The following PTAFR variants were observed in gnomAD, a reference collection of about 807,000 sequenced individuals.
PTAFR encodes platelet-activating factor receptor.
In PTAFR, 8 loss-of-function variants were observed where a neutral mutation model predicts 14.7. The observed-to-expected ratio is 0.54, with a 90% CI of 0.32 to 0.98. PTAFR has a LOEUF of 0.98. Among genes scored for constraint, PTAFR ranks in the 50% least tolerant of loss-of-function variants. PTAFR has a pLI of 0.04. For synonymous variants in PTAFR, 156 were observed against 176.5 expected, an observed-to-expected ratio of 0.88 and a Z score of 0.92; for missense variants, 337 against 451.2, an observed-to-expected ratio of 0.75 and a Z score of 2.29.
intron 1 of PTAFR, among the ~76,000 whole-genome samples, chr1:28,162,696 G>A (rs184742029): frequency 6.6e-6 from 1 of 151,704 alleles, no homozygotes; most frequent in Admixed American, 6.6e-5. Flanking sequence ...CATGGTGGTG[G>A]GTGCCTGTAA....
At position 28,150,148 on chromosome 1, in the gene PTAFR, T is replaced by A. The variant is rs745460238; in HGVS notation, c.874A>T (p.Ile292Phe). The change falls in exon 2 of 2, where the codon ATC (isoleucine) becomes TTC (phenylalanine). Residue 292 changes from isoleucine to phenylalanine, a missense_variant. Physicochemically the swap from Ile to Phe is conservative, Grantham distance 21. Transcript: ENST00000373857. This position sits in a 1 kb window ranked among gnomAD's most constrained non-coding sequence, Gnocchi z 6.3. ...AACTTCTTGGTGAGGAAACAGTAGA[T>A]AACAGGGTCTAAGACACAGTTGGTG... is the stretch of plus-strand genomic sequence containing the variant. Reference protein sequence around the residue: ...LSTNCVLDPVIYCFLTKKFRK... With the variant: ...LSTNCVLDPVFYCFLTKKFRK... 5.6e-6 allele frequency: 9 copies of A among 1,614,066 alleles called. No homozygotes were observed. Among genetic ancestry groups the A allele is most frequent in the Admixed American group, 1.7e-5 (1 of 60,000 alleles).
At chr1:28,161,767 G>GCCCT (rs1448824523) in intron 1 of PTAFR, among the ~76,000 whole-genome samples, 2 of 152,234 alleles carry the variant, frequency 1.3e-5, no homozygotes, top group East Asian at 3.9e-4. Flanking sequence ...CCTCTCCTAG[G>GCCCT]CCCTGTATCT....
intron 1 of PTAFR, among the ~76,000 whole-genome samples, chr1:28,183,009 G>C (rs529985985): frequency 2.6e-5 from 4 of 151,260 alleles, no homozygotes; most frequent in African/African-American, 9.7e-5. Flanking sequence ...TTAAGAAAGG[G>C]TTTTTTGCTG....
upstream of PTAFR, among the ~76,000 whole-genome samples, chr1:28,181,550 C>T (rs887135882): frequency 6.6e-6 from 1 of 151,968 alleles, no homozygotes; most frequent in Non-Finnish European, 1.5e-5. Context: ...AGTTCAAGAC[C>T]AGCCTCAACA....
chr1:28,174,086 C>G (rs555951725), intron 1 of PTAFR, among the ~76,000 whole-genome samples: 1 of 152,274 alleles, frequency 6.6e-6, no homozygotes, highest in African/African-American at 2.4e-5. Flanking sequence ...CATGCACACA[C>G]AAAGACACAC....
chr1:28,170,482 T>C (rs911113929), intron 1 of PTAFR, among the ~76,000 whole-genome samples: 3 of 152,156 alleles, frequency 2.0e-5, no homozygotes, highest in African/African-American at 4.8e-5. Flanking sequence ...GGTAAGAGAA[T>C]TGCTTGAGGT....
At position 28,149,908 on chromosome 1, in the gene PTAFR, C is replaced by T; in HGVS notation, c.*85G>A. The T allele has an allele frequency of 6.7e-7, 1 of 1,499,876 alleles. No homozygotes were observed. The highest frequency in any genetic ancestry group is 9.0e-7 in the Non-Finnish European group (1 of 1,110,778). 92.9% of individuals were successfully genotyped at this position (1,499,876 alleles called of 1,614,324 possible). A position where few individuals can be genotyped will look rare whatever the true frequency, so the allele number is the denominator to read the frequency against. Reference sequence around the variant, plus strand: ...CCCACCAGTGCCCACAGAGGTGGTGCCCAGACCACAGTAGATATCCCTTCT... The same window carrying T: ...CCCACCAGTGCCCACAGAGGTGGTGTCCAGACCACAGTAGATATCCCTTCT... On this transcript the variant is annotated 3_prime_UTR_variant, in exon 2 of 2. Transcript: ENST00000373857.
chr1:28,182,043 G>T (rs1646566780), intron 1 of PTAFR, among the ~76,000 whole-genome samples: 1 of 151,782 alleles, frequency 6.6e-6, no homozygotes, highest in Non-Finnish European at 1.5e-5. Context: ...GGAAAAAAAA[G>T]AAAGAAATTG....
upstream of PTAFR, among the ~76,000 whole-genome samples, chr1:28,179,633 C>T (rs562999942): frequency 1.3e-5 from 2 of 151,858 alleles, no homozygotes; most frequent in South Asian, 2.1e-4. Flanking sequence ...CTGGCCAATA[C>T]GGTGAAACCC....
chr1:28,192,598 T>G, intron 1 of PTAFR, among the ~76,000 whole-genome samples: 1 of 150,068 alleles, frequency 6.7e-6, no homozygotes, highest in Non-Finnish European at 1.5e-5. Flanking sequence ...TGTAAAAGCC[T>G]TGGTGTTTGG....
At position 28,149,728 on chromosome 1, in the gene PTAFR, C is replaced by T. The variant is rs761182057; in HGVS notation, c.*265G>A. 2.3e-6 allele frequency: 1 copy of T among 434,852 alleles called. No homozygotes were observed. Among genetic ancestry groups the T allele is most frequent in the Non-Finnish European group, 4.1e-6 (1 of 243,668 alleles). 26.9% of individuals were successfully genotyped at this position (434,852 alleles called of 1,614,324 possible). Reference sequence around the variant, plus strand: ...CTGGCCCTGACATTCCTTCCGGCCCCATAAGATTAAGGGACTCAGGATAAA... The same window carrying T: ...CTGGCCCTGACATTCCTTCCGGCCCTATAAGATTAAGGGACTCAGGATAAA... On this transcript the variant is annotated 3_prime_UTR_variant, in exon 2 of 2. Transcript: ENST00000373857.
At chr1:28,184,250 G>A (rs377620855) in intron 1 of PTAFR, among the ~76,000 whole-genome samples, 29 of 150,982 alleles carry the variant, frequency 1.9e-4, no homozygotes, top group South Asian at 1.3e-3. Flanking sequence ...GCACCACCAC[G>A]CCCAACTGAT....
At chr1:28,165,884 T>C (rs1254265003) in intron 1 of PTAFR, among the ~76,000 whole-genome samples, 6 of 152,168 alleles carry the variant, frequency 3.9e-5, no homozygotes, top group African/African-American at 1.4e-4. Context: ...AAAATGTCCA[T>C]ACCACCCAAA....
chr1:28,191,608 G>T (rs1473458005), intron 1 of PTAFR, among the ~76,000 whole-genome samples: 1 of 152,026 alleles, frequency 6.6e-6, no homozygotes, highest in Non-Finnish European at 1.5e-5. Context: ...GAGAGAGAGA[G>T]AGAGAGAGGT....
chr1:28,170,828 GTC>G (rs1646445736), intron 1 of PTAFR, among the ~76,000 whole-genome samples: 1 of 151,642 alleles, frequency 6.6e-6, no homozygotes, highest in African/African-American at 2.4e-5. Flanking sequence ...GTAAAACCCT[GTC>G]TCTACTAAAA....
chr1:28,168,212 CCG>C (rs1646412866), intron 1 of PTAFR, among the ~76,000 whole-genome samples: 1 of 150,262 alleles, frequency 6.7e-6, no homozygotes, highest in African/African-American at 2.5e-5. Flanking sequence ...ACCTCGTGAT[CCG>C]CCCTCCTCGG....
chr1:28,173,697 G>T (rs542526908), intron 1 of PTAFR, among the ~76,000 whole-genome samples: 6 of 150,788 alleles, frequency 4.0e-5, no homozygotes, highest in African/African-American at 1.5e-4. Flanking sequence ...GCACAAATTT[G>T]GTTTTGACAT....
rs548563322 is a variant in PTAFR at position 28,193,305 on chromosome 1, G to A, written c.-39+417C>T. Among the ~76,000 whole-genome samples, 68 of 152,182 alleles carry A rather than the reference G, an allele frequency of 4.5e-4. No homozygotes were observed. The South Asian group carries it at 0.013, about 30-fold the overall frequency. On this transcript the variant is annotated intron_variant, in intron 1 of 1. Coordinates refer to the PTAFR transcript ENST00000305392. ...GTGCAGTTGTGCATGTTGTGTGTCTGTAAGGATGTTTTCCCTTGGGTTAGG... is the reference window on the plus strand; with the variant it reads ...GTGCAGTTGTGCATGTTGTGTGTCTATAAGGATGTTTTCCCTTGGGTTAGG...
intron 1 of PTAFR, among the ~76,000 whole-genome samples, chr1:28,183,640 T>C (rs1473116878): frequency 2.6e-5 from 4 of 150,956 alleles, no homozygotes; most frequent in African/African-American, 9.8e-5. Context: ...AAAATATGTG[T>C]GTGTGTAATA....
Sources: gnomAD v4.1 joint callset for allele counts (sites outside exome capture counted in the v4.1 genomes callset) on GRCh38, gnomAD v4.1.1 for gene constraint, Gnocchi (gnomAD v3.1) non-coding constraint, MANE v1.5 for transcripts, NCBI Gene and HGNC (gene_info 2026-07-23, HGNC 2026-07-21) for gene names.